Variants in LRP1B observed in about 807,000 individuals in gnomAD.
The protein encoded by LRP1B is LDL receptor related protein 1B.
In LRP1B, 217 loss-of-function variants were observed where a neutral mutation model predicts 556.6. The observed-to-expected ratio is 0.39, with a 90% CI of 0.35 to 0.44. The LOEUF (loss-of-function observed/expected upper bound fraction) is 0.44. LRP1B is among the 20% of genes least tolerant of loss of function. LRP1B has a pLI of 1.00. For missense variants in LRP1B, 5,053 were observed against 5,620.8 expected (o/e 0.90, Z 3.23); for synonymous variants, 2,047 against 1,865.8 (o/e 1.10, Z -2.50).
intron 1 of LRP1B, among the ~76,000 whole-genome samples, chr2:141,857,962 T>A (rs528423573): frequency 6.6e-6 from 1 of 152,296 alleles, no homozygotes; most frequent in South Asian, 2.1e-4. Context: ...TAAAACTAAA[T>A]GATTACCTGT....
At chr2:141,784,410 G>T (rs1291579953) in intron 2 of LRP1B, among the ~76,000 whole-genome samples, 5 of 151,980 alleles carry the variant, frequency 3.3e-5, no homozygotes, top group Non-Finnish European at 5.9e-5. Flanking sequence ...GAAAATTTGT[G>T]TGAACATATA....
intron 66 of LRP1B, among the ~76,000 whole-genome samples, chr2:140,439,900 AT>A (rs1275429371): frequency 1.3e-5 from 2 of 152,104 alleles, no homozygotes; most frequent in African/African-American, 4.8e-5. Flanking sequence ...ATTTACAATG[AT>A]TATTTTAATT....
chr2:140,805,463 C>T (rs973969402), intron 32 of LRP1B, among the ~76,000 whole-genome samples: 1 of 152,104 alleles, frequency 6.6e-6, no homozygotes, highest in African/African-American at 2.4e-5. Flanking sequence ...ATAGGAAGCA[C>T]AAACCTATTC....
chr2:140,688,575 A>C (rs1019867110), intron 41 of LRP1B, among the ~76,000 whole-genome samples: 1 of 152,242 alleles, frequency 6.6e-6, no homozygotes, highest in Non-Finnish European at 1.5e-5. Context: ...CAGAAGGTAC[A>C]CATTCTTCCC....
At chr2:140,342,022 T>A (rs949147179) in intron 77 of LRP1B, among the ~76,000 whole-genome samples, 7 of 151,298 alleles carry the variant, frequency 4.6e-5, no homozygotes, top group African/African-American at 7.3e-5. Context: ...CACGACGAGA[T>A]CCCATCTCTC....
At chr2:140,379,580 A>G (rs1340103577) in intron 67 of LRP1B, among the ~76,000 whole-genome samples, 1 of 152,130 alleles carries the variant, frequency 6.6e-6, no homozygotes, top group Non-Finnish European at 1.5e-5. Context: ...CTGTAATCCC[A>G]GCTACTTGGG....
chr2:140,233,094 G>T lies in LRP1B; in HGVS notation c.*92C>A. 1 of 801,354 alleles carries T rather than the reference G, an allele frequency of 1.2e-6. No individual in the cohort carries two copies. The highest frequency in any genetic ancestry group is 3.5e-5 in the Admixed American group (1 of 28,786). 49.6% of individuals were successfully genotyped at this position (801,354 alleles called of 1,614,324 possible). On this transcript the variant is annotated 3_prime_UTR_variant, in exon 91 of 91. Coordinates refer to ENST00000389484, the MANE Select transcript of LRP1B (RefSeq NM_018557.3). ...GGAAAAAGATAAAGAAAGAGGTAATGCTGATGCCAAAACAAGTATAATACT... is the reference window on the plus strand; with the variant it reads ...GGAAAAAGATAAAGAAAGAGGTAATTCTGATGCCAAAACAAGTATAATACT...
At chr2:141,260,604 T>C (rs1359723707) in intron 3 of LRP1B, among the ~76,000 whole-genome samples, 1 of 152,216 alleles carries the variant, frequency 6.6e-6, no homozygotes, top group Non-Finnish European at 1.5e-5. Context: ...TTGCTATCTT[T>C]TGTGTATAGC....
intron 66 of LRP1B, among the ~76,000 whole-genome samples, chr2:140,440,366 A>G (rs1012580430): frequency 6.6e-6 from 1 of 152,156 alleles, no homozygotes; most frequent in Non-Finnish European, 1.5e-5. Flanking sequence ...TGAAATAGTG[A>G]AACACACCCA....
At chr2:141,194,939 G>C (rs976002550) in intron 6 of LRP1B, among the ~76,000 whole-genome samples, 28 of 152,034 alleles carry the variant, frequency 1.8e-4, no homozygotes. Context: ...GCATGTACTA[G>C]AGAATATTTT....
intron 2 of LRP1B, among the ~76,000 whole-genome samples, chr2:141,549,177 T>C (rs960968003): frequency 3.3e-5 from 5 of 152,206 alleles, no homozygotes; most frequent in Non-Finnish European, 7.3e-5. Context: ...ATCTTAATTC[T>C]ATGAATTGGA....
intron 1 of LRP1B, among the ~76,000 whole-genome samples, chr2:141,911,058 A>G (rs1699896227): frequency 6.6e-6 from 1 of 152,054 alleles, no homozygotes; most frequent in African/African-American, 2.4e-5. Flanking sequence ...AGAACTAGGA[A>G]CTGCTACTGC....
chr2:141,258,202 GT>G (rs1684552623), intron 3 of LRP1B, among the ~76,000 whole-genome samples: 1 of 152,168 alleles, frequency 6.6e-6, no homozygotes, highest in Non-Finnish European at 1.5e-5. Context: ...GAGAGAAGCT[GT>G]CGCTGGAAGT....
intron 2 of LRP1B, among the ~76,000 whole-genome samples, chr2:141,517,341 T>C (rs1409290454): frequency 7.4e-6 from 1 of 134,286 alleles, no homozygotes; most frequent in East Asian, 2.4e-4. Context: ...GACCTCTGGG[T>C]TCTGATGCTA....
At chr2:140,255,648 T>G (rs774422459) in intron 86 of LRP1B, among the ~76,000 whole-genome samples, 35 of 152,278 alleles carry the variant, frequency 2.3e-4, no homozygotes, top group Non-Finnish European at 4.3e-4. Context: ...TACTTGCTGT[T>G]TGACAAATGA....
At chr2:140,982,946 C>A (rs1391941245) in intron 17 of LRP1B, among the ~76,000 whole-genome samples, 2 of 151,592 alleles carry the variant, frequency 1.3e-5, no homozygotes, top group Non-Finnish European at 2.9e-5. Flanking sequence ...TTGCTTTGGG[C>A]TCTCTTAAGG....
chr2:141,004,137 G>A (rs1232985827), intron 15 of LRP1B, among the ~76,000 whole-genome samples: 1 of 152,024 alleles, frequency 6.6e-6, no homozygotes, highest in Non-Finnish European at 1.5e-5. Context: ...CATTATAAGT[G>A]ATAAAATAAA....
intron 27 of LRP1B, among the ~76,000 whole-genome samples, chr2:140,858,956 TACC>T (rs1559160256): frequency 6.6e-6 from 1 of 152,196 alleles, no homozygotes; most frequent in Non-Finnish European, 1.5e-5. Flanking sequence ...GGTGTATATG[TACC>T]ACATTATCTT....
At chr2:140,851,904 A>G in intron 27 of LRP1B, 121 bp from the exon 28 acceptor site, 1 of 707,472 alleles carries the variant, frequency 1.4e-6, no homozygotes, top group Non-Finnish European at 2.3e-6. Context: ...AGAACCCATT[A>G]GTAGGGTGAT....
Sources: gnomAD v4.1 joint callset for allele counts (sites outside exome capture counted in the v4.1 genomes callset) on GRCh38, gnomAD v4.1.1 for gene constraint, MANE v1.5 for transcripts, NCBI Gene and HGNC (gene_info 2026-07-23, HGNC 2026-07-21) for gene names.